The following CHODL variants were observed in gnomAD, a reference collection of about 807,000 sequenced individuals.
CHODL encodes transmembrane protein MT75.
A neutral mutation model predicts 34.5 loss-of-function variants in CHODL; 29 were observed. The observed-to-expected ratio is 0.84, with a 90% CI of 0.63 to 1.15. CHODL has a LOEUF of 1.15. CHODL is among the 50% of genes most tolerant of loss of function. The probability of loss-of-function intolerance (pLI) is 0.00; values close to 1 mark genes in which losing one functional copy is unlikely to be tolerated. For synonymous variants in CHODL, 125 were observed against 116.1 expected (o/e 1.08, Z -0.49); for missense variants, 332 against 332.5 (o/e 1.00, Z 0.01).
intron 2 of CHODL, among the ~76,000 whole-genome samples, chr21:18,150,941 G>A (rs1309340682): frequency 6.6e-6 from 1 of 151,876 alleles, no homozygotes; most frequent in Non-Finnish European, 1.5e-5. Flanking sequence ...AAAATTAGCT[G>A]GGCATGATGG....
chr21:18,249,583 T>C (rs868362332), intron 1 of CHODL, among the ~76,000 whole-genome samples: 2 of 152,138 alleles, frequency 1.3e-5, no homozygotes, highest in African/African-American at 4.8e-5. Flanking sequence ...CTTATGATTC[T>C]GACATAGATA....
In CHODL at chr21:18,018,097, A is replaced by G. The variant is rs911015175; in HGVS notation, c.-144-9775A>G. Among the ~76,000 whole-genome samples the G allele has an allele frequency of 2.6e-5, 4 of 152,156 alleles. No homozygotes were observed. The East Asian group carries it at 7.7e-4, about 29-fold the overall frequency. On this transcript the variant is annotated intron_variant, in intron 1 of 6. Transcript: ENST00000400127. ...TATGCAGTGCCTGTACCCACACTGT[A>G]TCTTGGAAGTAACTAACTTGTTTTT...
intron 1 of CHODL, among the ~76,000 whole-genome samples, chr21:17,995,658 T>C (rs1370720051): frequency 7.2e-5 from 11 of 152,250 alleles, no homozygotes; most frequent in Admixed American, 3.9e-4. Flanking sequence ...CCATCTCTTG[T>C]GCAGTTAGGT....
chr21:18,204,022 T>C (rs995198), intron 2 of CHODL, among the ~76,000 whole-genome samples: 113,202 of 152,048 alleles, frequency 0.74, 42,716 homozygotes, highest in East Asian at 0.93. Context: ...ACATAGTGTC[T>C]TTTATTACCT....
chr21:18,081,203 A>T (rs1479292756), intron 2 of CHODL, among the ~76,000 whole-genome samples: 1 of 152,186 alleles, frequency 6.6e-6, no homozygotes, highest in Non-Finnish European at 1.5e-5. Flanking sequence ...AAACTACTCA[A>T]TTCATTTATC....
chr21:18,218,383 C>G (rs2073850914), intron 2 of CHODL, among the ~76,000 whole-genome samples: 2 of 152,200 alleles, frequency 1.3e-5, no homozygotes, highest in Admixed American at 1.3e-4. Context: ...CTGAACTGTA[C>G]CTTGTCCACT....
intron 2 of CHODL, among the ~76,000 whole-genome samples, chr21:18,108,881 A>G (rs965937383): frequency 1.4e-5 from 2 of 138,752 alleles, no homozygotes; most frequent in African/African-American, 5.2e-5. Flanking sequence ...GTTTCTTCTA[A>G]CTTTTTCTTT....
intron 2 of CHODL, among the ~76,000 whole-genome samples, chr21:18,058,250 A>T (rs975130568): frequency 3.3e-5 from 5 of 152,160 alleles, no homozygotes; most frequent in African/African-American, 1.2e-4. Context: ...TACACTGTTG[A>T]TGAGAATATA....
chr21:18,184,882 A>T (rs2146681859), intron 2 of CHODL, among the ~76,000 whole-genome samples: 1 of 152,282 alleles, frequency 6.6e-6, no homozygotes, highest in Non-Finnish European at 1.5e-5. Context: ...GTTCTTCGTT[A>T]TTTATGGAAA....
At chr21:18,116,897 C>T (rs556405409) in intron 2 of CHODL, among the ~76,000 whole-genome samples, 1 of 152,272 alleles carries the variant, frequency 6.6e-6, no homozygotes, top group East Asian at 1.9e-4. Flanking sequence ...GATGAATGAG[C>T]AAGGATGCTA....
At chr21:18,141,510 A>G (rs985223314) in intron 2 of CHODL, among the ~76,000 whole-genome samples, 4 of 152,066 alleles carry the variant, frequency 2.6e-5, no homozygotes, top group Non-Finnish European at 4.4e-5. Flanking sequence ...GGCAACACAG[A>G]AGATGATTGG....
intron 2 of CHODL, among the ~76,000 whole-genome samples, chr21:18,222,535 C>CT (rs1379740458): frequency 2.0e-5 from 3 of 152,132 alleles, no homozygotes; most frequent in Middle Eastern, 3.4e-3. Context: ...AGCTGAGGGG[C>CT]TTTTTTTGTG....
chr21:17,998,592 C>G (rs986287030), intron 1 of CHODL, among the ~76,000 whole-genome samples: 2 of 152,244 alleles, frequency 1.3e-5, no homozygotes, highest in African/African-American at 4.8e-5. Flanking sequence ...CTTCTAAAAT[C>G]TAGCCGGAGG....
At chr21:18,012,325 A>G (rs1243169274) in intron 1 of CHODL, among the ~76,000 whole-genome samples, 1 of 152,162 alleles carries the variant, frequency 6.6e-6, no homozygotes, top group African/African-American at 2.4e-5. Flanking sequence ...TCTACTGACA[A>G]TCTCTATGTC....
At chr21:17,958,296 G>C (rs1270136445) in intron 1 of CHODL, among the ~76,000 whole-genome samples, 1 of 151,528 alleles carries the variant, frequency 6.6e-6, no homozygotes, top group African/African-American at 2.4e-5. Context: ...TATGTTTTTT[G>C]CCTTTCTGAT....
At chr21:17,960,866 G>A (rs902930786) in intron 1 of CHODL, among the ~76,000 whole-genome samples, 1 of 152,004 alleles carries the variant, frequency 6.6e-6, no homozygotes, top group African/African-American at 2.4e-5. Flanking sequence ...CATTCAATTA[G>A]TCTTCAAAAA....
rs544628918 is a variant in CHODL at position 18,091,088 on chromosome 21, C to T, written c.-45+63117C>T. Among the ~76,000 whole-genome samples the T allele has an allele frequency of 1.6e-3, 237 of 152,298 alleles. 2 individuals carry two copies. Among genetic ancestry groups the T allele is most frequent in the Admixed American group, 2.9e-3 (44 of 15,290 alleles). Reference sequence around the variant, plus strand: ...GGACTTTGCATTGATCTCAATGTTTCCCTGTCACAGCAGAGAATAAAGCCA... The same window carrying T: ...GGACTTTGCATTGATCTCAATGTTTTCCTGTCACAGCAGAGAATAAAGCCA... On this transcript the variant is annotated intron_variant, in intron 2 of 6. Coordinates refer to the CHODL transcript ENST00000400127.
Position 18,117,397 on chromosome 21 carries a change from T to A in CHODL, c.-45+89426T>A, listed in dbSNP as rs147395014. Among the ~76,000 whole-genome samples, 94 of 152,314 alleles carry A rather than the reference T, an allele frequency of 6.2e-4. 1 individual carries two copies. In the South Asian group the frequency reaches 0.017, roughly 28 times the overall value. The stretch of plus-strand genomic sequence containing the variant: ...AAGGATCTGCTAACCATCTGCTAGA[T>A]GAAGTGACAGTTCTATTCCCTCTGT... On this transcript the variant is annotated intron_variant, in intron 2 of 6. Coordinates refer to the CHODL transcript ENST00000400127.
At chr21:17,952,384 G>T (rs910246195) in intron 1 of CHODL, among the ~76,000 whole-genome samples, 4 of 151,886 alleles carry the variant, frequency 2.6e-5, no homozygotes, top group African/African-American at 9.7e-5. Context: ...CCATGATAAG[G>T]ATGATGGCTG....
Sources: gnomAD v4.1 joint callset for allele counts (sites outside exome capture counted in the v4.1 genomes callset) on GRCh38, gnomAD v4.1.1 for gene constraint, MANE v1.5 for transcripts, NCBI Gene and HGNC (gene_info 2026-07-23, HGNC 2026-07-21) for gene names.